The following SORCS2 variants were observed in gnomAD, a reference collection of about 807,000 sequenced individuals.
SORCS2 encodes VPS10 domain-containing receptor SorCS2.
In SORCS2, 100 loss-of-function variants were observed where a neutral mutation model predicts 141.6. The observed-to-expected ratio is 0.71, with a 90% CI of 0.60 to 0.83. SORCS2 has a LOEUF of 0.83. Among genes scored for constraint, SORCS2 ranks in the 40% least tolerant of loss-of-function variants. The pLI is 0.00. For missense variants in SORCS2, 1,646 were observed against 1,560.2 expected, an observed-to-expected ratio of 1.05 and a Z score of -0.93; for synonymous variants, 789 against 676.9, an observed-to-expected ratio of 1.17 and a Z score of -2.57.
At chr4:7,257,797 C>T (rs911116436) in intron 1 of SORCS2, among the ~76,000 whole-genome samples, 2 of 152,242 alleles carry the variant, frequency 1.3e-5, no homozygotes, top group African/African-American at 4.8e-5. Flanking sequence ...GGAGGTGAGT[C>T]CACAGCTTGC....
At chr4:7,714,004 G>A (rs1314077479) in intron 15 of SORCS2, among the ~76,000 whole-genome samples, 1 of 152,208 alleles carries the variant, frequency 6.6e-6, no homozygotes, top group Non-Finnish European at 1.5e-5. Context: ...GCGACCCCTC[G>A]GGCCCAGCCA....
chr4:7,638,363 C>A lies in SORCS2; in HGVS notation c.684C>A (p.Asp228Glu), dbSNP rs1336261659. 1.0e-5 allele frequency: 16 copies of A among 1,539,534 alleles called. No homozygotes were observed. The highest frequency in any genetic ancestry group is 1.2e-5 in the Non-Finnish European group (14 of 1,149,220). ...ILVSSSLSDRDQSLFLSADEG... is the reference protein window; with the variant it reads ...ILVSSSLSDREQSLFLSADEG... ...TCAGCTCCTCACTCAGTGACCGGGA[C>A]CAGAGCCTATTCCTCAGCGCAGACG... Residue 228 changes from aspartate to glutamate, a missense_variant, in exon 4 of 27, where the codon GAC becomes GAA. Coordinates refer to ENST00000507866, the MANE Select transcript of SORCS2 (RefSeq NM_020777.3).
intron 3 of SORCS2, among the ~76,000 whole-genome samples, chr4:7,543,024 A>T (rs1427087139): frequency 6.6e-6 from 1 of 152,174 alleles, no homozygotes; most frequent in Admixed American, 6.5e-5. Context: ...GCCTACATGG[A>T]CAAGGAGGGC....
intron 1 of SORCS2, among the ~76,000 whole-genome samples, chr4:7,245,094 G>A (rs2108797035): frequency 6.6e-6 from 1 of 152,280 alleles, no homozygotes; most frequent in East Asian, 1.9e-4. Context: ...AAACCAATGG[G>A]GTGTGGACAG....
chr4:7,392,839 T>C (rs1723949900), intron 1 of SORCS2, among the ~76,000 whole-genome samples: 1 of 151,852 alleles, frequency 6.6e-6, no homozygotes, highest in Non-Finnish European at 1.5e-5. Flanking sequence ...CACTGGGCGG[T>C]TCTGTGCCTC....
chr4:7,555,708 C>T (rs1281784592), intron 3 of SORCS2, among the ~76,000 whole-genome samples: 2 of 152,176 alleles, frequency 1.3e-5, no homozygotes, highest in Non-Finnish European at 2.9e-5. Context: ...GGAAAAGGCA[C>T]GGGTTTAAAA....
At chr4:7,266,558 CCT>C (rs1001395679) in intron 1 of SORCS2, among the ~76,000 whole-genome samples, 45 of 152,266 alleles carry the variant, frequency 3.0e-4, no homozygotes, top group African/African-American at 8.9e-4. Context: ...ATCTGGGGCC[CCT>C]GTCTTTACTC....
chr4:7,262,826 T>G (rs1190190978), intron 1 of SORCS2, among the ~76,000 whole-genome samples: 1 of 152,186 alleles, frequency 6.6e-6, no homozygotes, highest in Admixed American at 6.5e-5. Context: ...TAGGCACTGC[T>G]TTTTCTTTAG....
chr4:7,414,234 A>T (rs1421632806), intron 2 of SORCS2, among the ~76,000 whole-genome samples: 1 of 152,196 alleles, frequency 6.6e-6, no homozygotes, highest in African/African-American at 2.4e-5. Context: ...AGAACAGAGG[A>T]CCCAGGGTGG....
Position 7,193,211 on chromosome 4 carries a change from G to C in SORCS2, c.480+85G>C. 1 of 1,359,352 alleles carries C rather than the reference G, an allele frequency of 7.4e-7. No homozygotes were observed. Among genetic ancestry groups the C allele is most frequent in the African/African-American group, 1.5e-5 (1 of 66,036 alleles). 84.2% of individuals were successfully genotyped at this position (1,359,352 alleles called of 1,614,324 possible). A position where few individuals can be genotyped will look rare whatever the true frequency, so the allele number is the denominator to read the frequency against. ...CGGGACCGCCACGGCCCCCACCCCA[G>C]ATCCCCACTATGGTCATCAGGGGCG... On this transcript the variant is annotated intron_variant, in intron 1 of 26. Transcript: ENST00000507866. This position sits in a 1 kb window ranked among gnomAD's most constrained non-coding sequence, Gnocchi z 4.8.
At chr4:7,283,370 G>T (rs1676828680) in intron 1 of SORCS2, among the ~76,000 whole-genome samples, 1 of 152,248 alleles carries the variant, frequency 6.6e-6, no homozygotes, top group African/African-American at 2.4e-5. Flanking sequence ...GGGAGCAGAA[G>T]GTGGGTGTTG....
At chr4:7,287,139 T>C (rs573208276) in intron 1 of SORCS2, among the ~76,000 whole-genome samples, 22 of 151,898 alleles carry the variant, frequency 1.4e-4, no homozygotes, top group African/African-American at 4.3e-4. Context: ...CCTTGGGGGG[T>C]CTCCTGCCTT....
chr4:7,522,979 CTTCCTT>C (rs1733433866), intron 2 of SORCS2, among the ~76,000 whole-genome samples: 1 of 135,924 alleles, frequency 7.4e-6, no homozygotes, highest in Admixed American at 7.5e-5. Flanking sequence ...TCCCTCCTTC[CTTCCTT>C]TCTTCTCCTT....
intron 1 of SORCS2, among the ~76,000 whole-genome samples, chr4:7,272,734 C>T (rs372687612): frequency 5.9e-5 from 9 of 152,352 alleles, no homozygotes; most frequent in East Asian, 5.8e-4. Flanking sequence ...ATACCATCCG[C>T]GGCATTGCAG....
intron 5 of SORCS2, among the ~76,000 whole-genome samples, chr4:7,655,445 T>A (rs28643428): frequency 0.11 from 16,087 of 152,202 alleles, 1,265 homozygotes; most frequent in African/African-American, 0.22. Flanking sequence ...TTAAAAACAA[T>A]ATTATTAAGA....
At chr4:7,621,020 G>T (rs555876170) in intron 3 of SORCS2, among the ~76,000 whole-genome samples, 13 of 152,168 alleles carry the variant, frequency 8.5e-5, no homozygotes, top group African/African-American at 2.7e-4. Flanking sequence ...GGCACGGGGG[G>T]GTTGCCGGCC....
Position 7,456,749 on chromosome 4 carries a change from C to T in SORCS2, c.548+60394C>T, listed in dbSNP as rs73212538. Among the ~76,000 whole-genome samples, 849 of 152,188 alleles carry T rather than the reference C, an allele frequency of 5.6e-3. 13 individuals carry two copies. Among genetic ancestry groups the T allele is most frequent in the Admixed American group, 0.011 (166 of 15,292 alleles). On this transcript the variant is annotated intron_variant, in intron 2 of 26. Coordinates refer to ENST00000507866, the MANE Select transcript of SORCS2 (RefSeq NM_020777.3). ...GTGGCTTTGAGCCAGACCTTGGGTG[C>T]CTGCTGCTTGTCCCCCTGTGGCAGG...
intron 2 of SORCS2, among the ~76,000 whole-genome samples, chr4:7,519,220 C>T (rs766035783): frequency 3.3e-5 from 5 of 152,134 alleles, no homozygotes; most frequent in African/African-American, 1.2e-4. Flanking sequence ...TCCAGGAGCT[C>T]GGCCTCGTTC....
intron 1 of SORCS2, among the ~76,000 whole-genome samples, chr4:7,256,212 G>A (rs1713861296): frequency 6.6e-6 from 1 of 152,154 alleles, no homozygotes; most frequent in African/African-American, 2.4e-5. Flanking sequence ...GGGAGAGCGT[G>A]CCTGGTGAGC....
Sources: allele counts gnomAD v4.1 joint callset (sites outside exome capture counted in the v4.1 genomes callset), GRCh38; gene constraint gnomAD v4.1.1; non-coding constraint Gnocchi (gnomAD v3.1); transcripts MANE v1.5; gene names NCBI Gene and HGNC (gene_info 2026-07-23, HGNC 2026-07-21).